FABP12: variants seen among roughly 807,000 people sequenced by gnomAD.
The protein encoded by FABP12 is fatty acid-binding protein 12.
A neutral mutation model predicts 13.7 loss-of-function variants in FABP12; 19 were observed. The ratio of observed to expected loss-of-function variants is 1.39; its 90% CI spans 0.97 to 2.04. FABP12 has a LOEUF of 2.04. Among genes scored for constraint, FABP12 ranks in the 30% most tolerant of loss-of-function variants. FABP12 has a pLI of 0.00. For missense variants in FABP12, 182 were observed against 164.2 expected, an observed-to-expected ratio of 1.11 and a Z score of -0.59; for synonymous variants, 61 against 57.0, an observed-to-expected ratio of 1.07 and a Z score of -0.32.
At chr8:81,561,401 G>C (rs1375164852) in intron 1 of FABP12, among the ~76,000 whole-genome samples, 2 of 152,026 alleles carry the variant, frequency 1.3e-5, no homozygotes, top group Non-Finnish European at 2.9e-5. Flanking sequence ...AAAACATATT[G>C]GTGATATGGA....
Position 81,527,111 on chromosome 8 carries a change from G to GTTACT in FABP12, c.252_256dup (p.Thr86LysfsTer2), listed in dbSNP as rs763400246. 1 of 1,598,106 alleles carries GTTACT rather than the reference G, an allele frequency of 6.3e-7. No individual in the cohort carries two copies. The highest frequency in any genetic ancestry group is 1.1e-5 in the South Asian group (1 of 88,650). The stretch of plus-strand genomic sequence containing the variant: ...TTGAATCAGGGACTCCTTATCTAAG[G>GTTACT]TTACTTTACTCTGAAAAACAGAAAA... On this transcript the variant is annotated stop_gained and frameshift_variant, in exon 4 of 5. Coordinates refer to ENST00000360464, the Ensembl canonical transcript of FABP12. LOFTEE classifies it high-confidence loss of function.
chr8:81,533,947 T>C (rs943494780), upstream of FABP12, among the ~76,000 whole-genome samples: 4 of 152,166 alleles, frequency 2.6e-5, no homozygotes, highest in African/African-American at 9.7e-5. Flanking sequence ...ACATTGTTAC[T>C]TGATATCCTA....
At chr8:81,551,310 G>A (rs1809519174) in intron 1 of FABP12, among the ~76,000 whole-genome samples, 1 of 152,078 alleles carries the variant, frequency 6.6e-6, no homozygotes, top group African/African-American at 2.4e-5. Flanking sequence ...TCAAACCTCA[G>A]GTCACTGTCA....
upstream of FABP12, among the ~76,000 whole-genome samples, chr8:81,536,529 A>G (rs1809226396): frequency 6.6e-6 from 1 of 152,212 alleles, no homozygotes; most frequent in Admixed American, 6.5e-5. Context: ...CTCAGGCCTT[A>G]CTCATTTGCA....
chr8:81,563,053 T>A (rs553811515), intron 1 of FABP12, among the ~76,000 whole-genome samples: 2 of 152,312 alleles, frequency 1.3e-5, no homozygotes, highest in South Asian at 4.1e-4. Flanking sequence ...GGGCCACCCC[T>A]CCCGCAGCTC....
chr8:81,567,118 G>A (rs567881886), intron 1 of FABP12, among the ~76,000 whole-genome samples: 1 of 152,172 alleles, frequency 6.6e-6, no homozygotes, highest in Non-Finnish European at 1.5e-5. Flanking sequence ...GATCTTCAAT[G>A]AAAACTATAA....
chr8:81,586,662 T>A (rs1389497731), intron 1 of FABP12, among the ~76,000 whole-genome samples: 1 of 152,210 alleles, frequency 6.6e-6, no homozygotes, highest in Non-Finnish European at 1.5e-5. Flanking sequence ...TGTCTGTTCA[T>A]GTCCTTTGCC....
chr8:81,536,026 TGC>T (rs1188954534), upstream of FABP12, among the ~76,000 whole-genome samples: 1 of 152,204 alleles, frequency 6.6e-6, no homozygotes, highest in Non-Finnish European at 1.5e-5. Flanking sequence ...CCCTTAGCTG[TGC>T]CTTCAGCCTT....
At chr8:81,576,091 A>G (rs1040617012) in intron 1 of FABP12, among the ~76,000 whole-genome samples, 3 of 152,212 alleles carry the variant, frequency 2.0e-5, no homozygotes, top group Non-Finnish European at 4.4e-5. Flanking sequence ...CAATCAACTA[A>G]TATTTGGAGA....
At chr8:81,569,764 T>C (rs188878879) in intron 1 of FABP12, among the ~76,000 whole-genome samples, 2 of 152,352 alleles carry the variant, frequency 1.3e-5, no homozygotes, top group East Asian at 3.9e-4. Context: ...CTCTTAGTCA[T>C]AAAAGCATTC....
chr8:81,532,293 A>T (rs748300523), intron 1 of FABP12, among the ~76,000 whole-genome samples: 1 of 152,238 alleles, frequency 6.6e-6, no homozygotes, highest in Non-Finnish European at 1.5e-5. Flanking sequence ...CCATAGGTTG[A>T]CACAAAGCTA....
At chr8:81,568,093 G>T (rs1197001865) in intron 1 of FABP12, among the ~76,000 whole-genome samples, 2 of 148,388 alleles carry the variant, frequency 1.3e-5, no homozygotes, top group African/African-American at 5.0e-5. Context: ...ACTGCAGTCC[G>T]CAGTCCCGCC....
chr8:81,583,759 A>C (rs2130108870), intron 1 of FABP12, among the ~76,000 whole-genome samples: 1 of 152,304 alleles, frequency 6.6e-6, no homozygotes, highest in East Asian at 1.9e-4. Flanking sequence ...AATTCTAACA[A>C]ATATTTAAAG....
At chr8:81,546,326 C>G (rs1809433403) in intron 1 of FABP12, among the ~76,000 whole-genome samples, 1 of 152,044 alleles carries the variant, frequency 6.6e-6, no homozygotes, top group Admixed American at 6.5e-5. Flanking sequence ...TAGTTTCTGC[C>G]TTTTCATTAT....
intron 1 of FABP12, among the ~76,000 whole-genome samples, chr8:81,551,091 CA>C (rs1563549558): frequency 6.6e-6 from 1 of 152,100 alleles, no homozygotes; most frequent in Non-Finnish European, 1.5e-5. Context: ...TCTGGATGTG[CA>C]AGTCCAAGTG....
At chr8:81,528,467 G>A (rs1333413853) in intron 3 of FABP12, among the ~76,000 whole-genome samples, 1 of 152,108 alleles carries the variant, frequency 6.6e-6, no homozygotes, top group Non-Finnish European at 1.5e-5. Flanking sequence ...CATTTTATAT[G>A]GTACAAGAAT....
At chr8:81,551,262 G>A (rs1239427335) in intron 1 of FABP12, among the ~76,000 whole-genome samples, 1 of 152,166 alleles carries the variant, frequency 6.6e-6, no homozygotes, top group Non-Finnish European at 1.5e-5. Context: ...TGATTCTAAT[G>A]TGAAGCTATG....
At chr8:81,561,644 G>A (rs1017466104) in intron 1 of FABP12, among the ~76,000 whole-genome samples, 1 of 152,178 alleles carries the variant, frequency 6.6e-6, no homozygotes. Context: ...GGGGGAAGGA[G>A]GGCACGGTGA....
chr8:81,541,719 G>C (rs999751289), intron 1 of FABP12, among the ~76,000 whole-genome samples: 1 of 151,890 alleles, frequency 6.6e-6, no homozygotes, highest in Non-Finnish European at 1.5e-5. Context: ...CTGCCTTCTA[G>C]AAGTCTCCAT....
Sources: allele counts gnomAD v4.1 joint callset (sites outside exome capture counted in the v4.1 genomes callset), GRCh38; gene constraint gnomAD v4.1.1; transcripts MANE v1.5; gene names NCBI Gene and HGNC (gene_info 2026-07-23, HGNC 2026-07-21).